Variants in MAPK8IP3 observed in about 807,000 individuals in gnomAD.
MAPK8IP3 encodes the protein C-Jun-amino-terminal kinase-interacting protein 3.
MAPK8IP3 carries 49 observed loss-of-function variants against 157.8 expected under a neutral mutation model. The ratio of observed to expected loss-of-function variants is 0.31; its 90% confidence interval spans 0.25 to 0.39. MAPK8IP3 has a LOEUF of 0.39. MAPK8IP3 is among the 10% of genes least tolerant of loss of function. The pLI is 1.00. For missense variants in MAPK8IP3, 1,478 were observed against 1,889.4 expected (o/e 0.78, Z 4.04); for synonymous variants, 897 against 777.7 (o/e 1.15, Z -2.55).
At chr16:1,760,677 ACC>A in intron 12 of MAPK8IP3, 145 bp downstream of exon 12, 1 of 1,025,144 alleles carries the variant, frequency 9.8e-7, no homozygotes. Flanking sequence ...CAGCCACTCC[ACC>A]CCAACCAGCA....
chr16:1,745,864 G>A (rs2040930443), intron 5 of MAPK8IP3: 1 of 152,290 alleles, frequency 6.6e-6, no homozygotes, highest in Non-Finnish European at 1.5e-5. Context: ...GTACTGAGAG[G>A]CCCCGTGCCC....
At position 1,760,414 on chromosome 16, in the gene MAPK8IP3, G is replaced by T; in HGVS notation, c.1339G>T (p.Ala447Ser). The T allele has an allele frequency of 6.2e-7, 1 of 1,613,778 alleles. No homozygotes were observed. The highest frequency in any genetic ancestry group is 8.5e-7 in the Non-Finnish European group (1 of 1,179,808). ...ALNVVKNDLI[A>S]KVDQLSGEQE... ...GAATGTGGTGAAGAATGACCTGATT[G>T]CCAAGGTCGACCAGCTGTCCGGGGA... The change falls in exon 12 of 32, where the codon GCC becomes TCC. Residue 447 changes from alanine (A) to serine (S), a missense_variant. Ala to Ser is a moderately conservative substitution (Grantham distance 99, BLOSUM62 1). Around this residue, in one of 11 missense-constraint regions of MAPK8IP3, gnomAD observed 96 missense variants for 106.3 expected, o/e 0.90. Coordinates refer to ENST00000610761, the MANE Select transcript of MAPK8IP3 (RefSeq NM_001318852.2).
chr16:1,729,691 G>A, intron 4 of MAPK8IP3, 113 bp downstream of exon 4: 1 of 991,158 alleles, frequency 1.0e-6, no homozygotes, highest in Non-Finnish European at 1.5e-6. Flanking sequence ...TCTGGGCTCA[G>A]GACGACAGGG....
intron 13 of MAPK8IP3, among the ~76,000 whole-genome samples, chr16:1,762,060 G>A (rs1182276683): frequency 6.6e-6 from 1 of 152,152 alleles, no homozygotes; most frequent in Non-Finnish European, 1.5e-5. Context: ...TGACCCCAGC[G>A]GCATCATCTG....
At chr16:1,761,513 GGCC>G (rs1567200854) in intron 13 of MAPK8IP3, among the ~76,000 whole-genome samples, 67 of 147,674 alleles carry the variant, frequency 4.5e-4, no homozygotes, top group African/African-American at 1.6e-3. Flanking sequence ...CAGGCGGGGC[GGCC>G]ACCATTCACC....
In MAPK8IP3 at chr16:1,743,552, G is replaced by A. The variant is rs1003621641; in HGVS notation, c.747+76G>A. The stretch of plus-strand genomic sequence containing the variant: ...CCCCGTTCACTGGGGCGGGAGCCTC[G>A]TCTGCAGGCAGCCCTTCACGGCTCT... On this transcript the variant is annotated intron_variant, in intron 5 of 31. Coordinates refer to ENST00000610761, the MANE Select transcript of MAPK8IP3 (RefSeq NM_001318852.2). The surrounding 1 kb of genome is among the most constrained non-coding windows in gnomAD (Gnocchi z 5.6). 2.4e-5 allele frequency: 37 copies of A among 1,546,836 alleles called. No homozygotes were observed. Among genetic ancestry groups the A allele is most frequent in the African/African-American group, 2.1e-4 (15 of 71,520 alleles).
chr16:1,764,526 A>G, intron 19 of MAPK8IP3, 67 bp downstream of exon 19: 4 of 1,554,244 alleles, frequency 2.6e-6, no homozygotes, highest in Non-Finnish European at 2.6e-6. Flanking sequence ...GCTGCAGAGC[A>G]TGCTGGGAGT....
intron 5 of MAPK8IP3, chr16:1,744,303 G>A: frequency 1.0e-6 from 1 of 985,864 alleles, no homozygotes; most frequent in Non-Finnish European, 1.2e-6. Flanking sequence ...TGTGGGCTGG[G>A]TTGGGCTGGT....
intron 4 of MAPK8IP3, among the ~76,000 whole-genome samples, chr16:1,738,830 CGTGT>C (rs1226271887): frequency 2.4e-5 from 3 of 124,358 alleles, no homozygotes; most frequent in African/African-American, 9.0e-5. Flanking sequence ...TGTGACCGTC[CGTGT>C]GAGCGTCCGT....
intron 4 of MAPK8IP3, among the ~76,000 whole-genome samples, chr16:1,732,859 G>A (rs951825069): frequency 3.9e-5 from 6 of 152,062 alleles, no homozygotes; most frequent in Non-Finnish European, 7.4e-5. Flanking sequence ...AATGGGCAGC[G>A]CCAGCCATCC....
At chr16:1,723,615 C>T (rs2038681456) in intron 1 of MAPK8IP3, among the ~76,000 whole-genome samples, 2 of 152,058 alleles carry the variant, frequency 1.3e-5, no homozygotes, top group African/African-American at 4.8e-5. Context: ...GCGAGACTCT[C>T]TCTTAAAACA....
chr16:1,768,665 G>C (rs370444764), intron 31 of MAPK8IP3, 38 bp from the exon 32 acceptor site: 2 of 1,610,938 alleles, frequency 1.2e-6, no homozygotes, highest in Non-Finnish European at 8.5e-7. Flanking sequence ...GTTGGGCGCG[G>C]GGGGAGCCTG....
chr16:1,721,542 C>T (rs897999984), intron 1 of MAPK8IP3, among the ~76,000 whole-genome samples: 6 of 152,238 alleles, frequency 3.9e-5, no homozygotes, highest in East Asian at 1.9e-4. Flanking sequence ...ACTGCAGCAC[C>T]GACCTCCTGG....
chr16:1,754,356 T>C (rs8063431), intron 8 of MAPK8IP3, among the ~76,000 whole-genome samples: 44,871 of 152,154 alleles, frequency 0.29, 7,373 homozygotes, highest in East Asian at 0.47. Flanking sequence ...AGTTATACTA[T>C]GTGCCTTGCA....
intron 4 of MAPK8IP3, among the ~76,000 whole-genome samples, chr16:1,730,193 G>A (rs945285344): frequency 2.0e-5 from 3 of 152,118 alleles, no homozygotes; most frequent in Admixed American, 6.6e-5. Flanking sequence ...CCCAGGGGCT[G>A]GAGGCTGCAG....
intron 5 of MAPK8IP3, chr16:1,744,282 C>T (rs777171522): frequency 4.1e-6 from 4 of 985,710 alleles, no homozygotes; most frequent in Non-Finnish European, 4.8e-6. Context: ...AGAGGCAGAG[C>T]CCTTGGGGCC....
intron 6 of MAPK8IP3, 38 bp from the exon 7 acceptor site, chr16:1,748,206 C>T (rs1343636125): frequency 1.3e-6 from 2 of 1,522,844 alleles, no homozygotes; most frequent in Non-Finnish European, 1.8e-6. Flanking sequence ...GCTGCCAGAC[C>T]CTCTCCTGAC....
chr16:1,708,616 C>G (rs1410037584), intron 1 of MAPK8IP3, among the ~76,000 whole-genome samples: 3 of 152,230 alleles, frequency 2.0e-5, no homozygotes, highest in African/African-American at 7.2e-5. Context: ...TGCCCTCCCC[C>G]AGGGCTCCTG....
rs142547096 is a variant in MAPK8IP3 at position 1,713,905 on chromosome 16, C to G, written c.318+7248C>G. 9.3e-3 allele frequency: 1,423 copies of G among 152,284 alleles called. 13 individuals are homozygous for G. Among genetic ancestry groups the G allele is most frequent in the Non-Finnish European group, 0.016 (1,088 of 68,074 alleles). The allele number at this position is 152,284 out of a possible 1,614,324, so 9.4% of individuals were successfully genotyped here. A position where few individuals can be genotyped will look rare whatever the true frequency, so the allele number is the denominator to read the frequency against. On this transcript the variant is annotated intron_variant, in intron 1 of 31. Coordinates refer to ENST00000610761, the MANE Select transcript of MAPK8IP3 (RefSeq NM_001318852.2). The stretch of plus-strand genomic sequence containing the variant: ...AACACCAGAAGCCATCCCTGCAGTC[C>G]AAGCAGCGTAGACGCCCGGACCCCA...
Sources: allele counts gnomAD v4.1 joint callset (sites outside exome capture counted in the v4.1 genomes callset), GRCh38; gene constraint gnomAD v4.1.1; regional missense constraint gnomAD v4.1.1; non-coding constraint Gnocchi (gnomAD v3.1); transcripts MANE v1.5; gene names NCBI Gene and HGNC (gene_info 2026-07-23, HGNC 2026-07-21).